The following DCDC1 variants were observed in gnomAD, a reference collection of about 807,000 sequenced individuals.
DCDC1 encodes the protein doublecortin domain-containing protein 1.
DCDC1 carries 200 observed loss-of-function variants against 178.3 expected under a neutral mutation model. The ratio of observed to expected loss-of-function variants is 1.12; its 90% CI spans 1.00 to 1.26. DCDC1 has a LOEUF of 1.26. Among genes scored for constraint, DCDC1 ranks in the 50% most tolerant of loss-of-function variants. The probability of loss-of-function intolerance (pLI) is 0.00; values close to 1 mark genes in which losing one functional copy is unlikely to be tolerated. For synonymous variants in DCDC1, 690 were observed against 604.8 expected (o/e 1.14, Z -2.07); for missense variants, 1,983 against 1,749.2 (o/e 1.13, Z -2.38).
intron 21 of DCDC1, among the ~76,000 whole-genome samples, chr11:30,938,514 T>C (rs1458684327): frequency 1.3e-5 from 2 of 152,156 alleles, no homozygotes; most frequent in Non-Finnish European, 2.9e-5. Context: ...CCCTTTCTCT[T>C]TCTGATTTCC....
chr11:31,036,226 T>G (rs1387854029), intron 20 of DCDC1, among the ~76,000 whole-genome samples: 1 of 152,230 alleles, frequency 6.6e-6, no homozygotes, highest in African/African-American at 2.4e-5. Context: ...ATTTGTTGAC[T>G]GTGCTTCAAC....
At chr11:31,160,322 G>T (rs1238384695) in intron 9 of DCDC1, among the ~76,000 whole-genome samples, 1 of 152,080 alleles carries the variant, frequency 6.6e-6, no homozygotes, top group Admixed American at 6.5e-5. Flanking sequence ...GGCTTACTAA[G>T]TTATGATATT....
At chr11:31,230,691 A>C (rs1186446959) in intron 9 of DCDC1, among the ~76,000 whole-genome samples, 1 of 152,222 alleles carries the variant, frequency 6.6e-6, no homozygotes, top group African/African-American at 2.4e-5. Flanking sequence ...AGAATTTAGA[A>C]AACTGGGTAA....
intron 7 of DCDC1, among the ~76,000 whole-genome samples, chr11:31,288,216 C>T (rs953382978): frequency 6.6e-6 from 1 of 151,826 alleles, no homozygotes; most frequent in African/African-American, 2.4e-5. Context: ...TTTCATTTCC[C>T]ATTAATTTGG....
intron 12 of DCDC1, among the ~76,000 whole-genome samples, chr11:31,108,734 GATGAGC>G (rs768947898): frequency 2.6e-4 from 39 of 152,200 alleles, no homozygotes; most frequent in Non-Finnish European, 4.4e-4. Context: ...GGTGTTCAAA[GATGAGC>G]ATTCAACAGT....
chr11:30,876,626 T>G (rs1475273106), intron 38 of DCDC1, among the ~76,000 whole-genome samples: 1 of 152,182 alleles, frequency 6.6e-6, no homozygotes, highest in Non-Finnish European at 1.5e-5. Context: ...TTGTGTGATA[T>G]TACCAATTTT....
intron 1 of DCDC1, among the ~76,000 whole-genome samples, chr11:31,343,123 T>G (rs1328253320): frequency 6.6e-6 from 1 of 152,068 alleles, no homozygotes; most frequent in Non-Finnish European, 1.5e-5. Flanking sequence ...TTTTAAAATA[T>G]TAGCCAGGCC....
At chr11:31,285,079 T>C (rs1369284864) in intron 7 of DCDC1, among the ~76,000 whole-genome samples, 2 of 152,070 alleles carry the variant, frequency 1.3e-5, no homozygotes, top group Non-Finnish European at 2.9e-5. Flanking sequence ...TTGCTTTTTT[T>C]AGAATTTCAT....
At chr11:30,998,339 G>C (rs1482064945) in intron 20 of DCDC1, among the ~76,000 whole-genome samples, 1 of 152,004 alleles carries the variant, frequency 6.6e-6, no homozygotes, top group Non-Finnish European at 1.5e-5. Context: ...GAAGTATGGT[G>C]CCTGTTGAAA....
intron 38 of DCDC1, among the ~76,000 whole-genome samples, chr11:30,866,487 A>T (rs1490786965): frequency 1.3e-5 from 2 of 152,058 alleles, no homozygotes; most frequent in Non-Finnish European, 2.9e-5. Context: ...TGCCCTCATG[A>T]CTTAATTAGC....
At chr11:31,243,214 A>G (rs1203754060) in intron 8 of DCDC1, among the ~76,000 whole-genome samples, 1 of 151,802 alleles carries the variant, frequency 6.6e-6, no homozygotes, top group Non-Finnish European at 1.5e-5. Context: ...ACCTTTAAAA[A>G]TGTATAATAT....
intron 9 of DCDC1, among the ~76,000 whole-genome samples, chr11:31,171,144 A>G (rs540257523): frequency 6.6e-6 from 1 of 152,116 alleles, no homozygotes; most frequent in African/African-American, 2.4e-5. Flanking sequence ...CAGCATTTTG[A>G]TGTGACAGTT....
chr11:31,305,263 G>T (rs1004562024), intron 6 of DCDC1, among the ~76,000 whole-genome samples: 1 of 152,124 alleles, frequency 6.6e-6, no homozygotes, highest in African/African-American at 2.4e-5. Context: ...ACTATTTTCT[G>T]AGAGGATAAG....
chr11:30,977,921 C>A (rs1175895816), intron 20 of DCDC1, among the ~76,000 whole-genome samples: 1 of 152,098 alleles, frequency 6.6e-6, no homozygotes, highest in Non-Finnish European at 1.5e-5. Context: ...CAGACCGAGA[C>A]CCTGTTTCCT....
chr11:31,157,372 A>AAAATAT (rs71060478), intron 9 of DCDC1, among the ~76,000 whole-genome samples: 46 of 96,864 alleles, frequency 4.7e-4, no homozygotes, highest in East Asian at 3.0e-3. Flanking sequence ...AAAAAAAAAA[A>AAAATAT]ATATATATAT....
chr11:30,891,454 G>A (rs1422092009), intron 36 of DCDC1, among the ~76,000 whole-genome samples: 1 of 152,018 alleles, frequency 6.6e-6, no homozygotes, highest in Non-Finnish European at 1.5e-5. Flanking sequence ...AATCTGATAG[G>A]CTATCTTCCC....
chr11:31,082,281 G>A (rs758936136), intron 17 of DCDC1, among the ~76,000 whole-genome samples: 16 of 151,922 alleles, frequency 1.1e-4, no homozygotes, highest in Non-Finnish European at 2.4e-4. Context: ...AGTCTCTAGT[G>A]GCCTTGCAAT....
chr11:31,139,540 A>G (rs555331615), intron 9 of DCDC1, among the ~76,000 whole-genome samples: 2 of 152,210 alleles, frequency 1.3e-5, no homozygotes, highest in African/African-American at 4.8e-5. Flanking sequence ...AAGTTCATCT[A>G]TTCTTTACAA....
chr11:31,035,997 G>T lies in DCDC1; in HGVS notation c.2591+28472C>A, dbSNP rs1173493323. On this transcript the variant is annotated intron_variant, in intron 20 of 38. Transcript: ENST00000684477. ...ATCGTTCCAGCTTTGGCCACTGAGA[G>T]ATTTTTTCAGATTGGCTCCTGTGCC... Among the ~76,000 whole-genome samples the T allele has an allele frequency of 3.9e-5, 6 of 152,124 alleles. No homozygotes were observed. In the East Asian group the frequency reaches 9.6e-4, roughly 24 times the overall value.
Sources: allele counts gnomAD v4.1 joint callset (sites outside exome capture counted in the v4.1 genomes callset), GRCh38; gene constraint gnomAD v4.1.1; transcripts MANE v1.5; gene names NCBI Gene and HGNC (gene_info 2026-07-23, HGNC 2026-07-21).